FBXW11: variants seen among roughly 807,000 people sequenced by gnomAD.
The protein encoded by FBXW11 is F-box and WD repeat domain containing 11.
A neutral mutation model predicts 77.6 loss-of-function variants in FBXW11; 19 were observed. That is an observed-to-expected ratio of 0.24 (90% CI 0.17 to 0.36). The LOEUF (loss-of-function observed/expected upper bound fraction) is 0.36, where lower values mean the gene tolerates loss of function less well. FBXW11 is among the 10% of genes least tolerant of loss of function. The pLI is 1.00. For missense variants in FBXW11, 334 were observed against 704.2 expected (o/e 0.47, Z 5.95); for synonymous variants, 235 against 249.4 (o/e 0.94, Z 0.54).
At chr5:171,968,456 C>CAAA (rs70982358) in intron 1 of FBXW11, among the ~76,000 whole-genome samples, 10 of 133,712 alleles carry the variant, frequency 7.5e-5, no homozygotes, top group South Asian at 2.4e-4. Flanking sequence ...GACTCTGTCT[C>CAAA]AAAAAAAAAA....
rs571074724 is a variant in FBXW11 at position 171,936,977 on chromosome 5, T to C, written c.147+20620A>G. On this transcript the variant is annotated intron_variant, in intron 2 of 13. Transcript: ENST00000517395. Reference sequence around the variant, plus strand: ...GTTATGGAACAATTTATAGAGCTTCTGGCCCATTTGTTCTTTAAAGGTCTG... The same window carrying C: ...GTTATGGAACAATTTATAGAGCTTCCGGCCCATTTGTTCTTTAAAGGTCTG... Among the ~76,000 whole-genome samples, 15 of 152,358 alleles carry C rather than the reference T, an allele frequency of 9.8e-5. 1 individual carries two copies. The East Asian group carries it at 2.9e-3, about 29-fold the overall frequency.
intron 4 of FBXW11, among the ~76,000 whole-genome samples, chr5:171,905,589 A>AC (rs748894864): frequency 0.015 from 1,699 of 111,154 alleles, 59 homozygotes; most frequent in African/African-American, 0.048. Flanking sequence ...CAAAAAGCTA[A>AC]CCCCCCCCCC....
chr5:171,979,931 C>T (rs879265150), intron 1 of FBXW11, among the ~76,000 whole-genome samples: 13 of 152,098 alleles, frequency 8.5e-5, no homozygotes, highest in Admixed American at 6.6e-4. Flanking sequence ...GTATTTGTCC[C>T]GATTGGCTAG....
chr5:172,003,863 T>C (rs567689734), intron 1 of FBXW11, among the ~76,000 whole-genome samples: 25 of 152,304 alleles, frequency 1.6e-4, no homozygotes, highest in African/African-American at 6.0e-4. Context: ...GAAGTCTGTT[T>C]CCTCTTTTTA....
chr5:171,910,845 CTAAT>C, intron 3 of FBXW11, 48 bp from the exon 4 acceptor site: 1 of 1,271,264 alleles, frequency 7.9e-7, no homozygotes, highest in Non-Finnish European at 1.1e-6. Flanking sequence ...GGAAAGAAAC[CTAAT>C]TAATATTTCA....
chr5:171,990,609 C>T (rs1407521816), intron 1 of FBXW11, among the ~76,000 whole-genome samples: 1 of 152,078 alleles, frequency 6.6e-6, no homozygotes, highest in Non-Finnish European at 1.5e-5. Flanking sequence ...CAAATTATGG[C>T]ATATTTGTAC....
chr5:171,912,519 A>G (rs150065036), intron 3 of FBXW11, among the ~76,000 whole-genome samples: 1 of 152,350 alleles, frequency 6.6e-6, no homozygotes, highest in East Asian at 1.9e-4. Flanking sequence ...AGGAAAAGTT[A>G]GAAATAACTG....
intron 7 of FBXW11, among the ~76,000 whole-genome samples, chr5:171,887,379 T>A (rs1758980836): frequency 6.6e-6 from 1 of 151,480 alleles, no homozygotes. Flanking sequence ...TTTCACTTTT[T>A]AAAAAACAAA....
intron 1 of FBXW11, among the ~76,000 whole-genome samples, chr5:171,997,636 C>A (rs1581097908): frequency 6.6e-6 from 1 of 152,162 alleles, no homozygotes; most frequent in East Asian, 1.9e-4. Context: ...AAAGGCCAGT[C>A]CCGTACAATG....
At chr5:171,888,424 G>C (rs1241803718) in intron 7 of FBXW11, among the ~76,000 whole-genome samples, 1 of 152,182 alleles carries the variant, frequency 6.6e-6, no homozygotes, top group African/African-American at 2.4e-5. Context: ...CCTCTAAGTA[G>C]TGAAAGCCCA....
intron 6 of FBXW11, among the ~76,000 whole-genome samples, chr5:171,892,096 T>C (rs1759387957): frequency 6.6e-6 from 1 of 152,260 alleles, no homozygotes; most frequent in African/African-American, 2.4e-5. Flanking sequence ...CTAATGTTTC[T>C]GTAGAGTAAA....
intron 1 of FBXW11, among the ~76,000 whole-genome samples, chr5:172,005,632 G>A (rs941339201): frequency 1.3e-5 from 2 of 152,008 alleles, no homozygotes; most frequent in Non-Finnish European, 2.9e-5. Flanking sequence ...CGCTTCCCCC[G>A]GGGGCCAAGG....
intron 2 of FBXW11, among the ~76,000 whole-genome samples, chr5:171,922,896 CGTGTGTGTGCGTGTGT>C (rs1032477382): frequency 2.0e-4 from 31 of 151,966 alleles, no homozygotes; most frequent in South Asian, 1.0e-3. Flanking sequence ...CATCACCAAT[CGTGTGTGTGCGTGTGT>C]GTGTGTGTGC....
At chr5:172,002,056 C>T (rs1766440739) in intron 1 of FBXW11, among the ~76,000 whole-genome samples, 1 of 152,176 alleles carries the variant, frequency 6.6e-6, no homozygotes, top group Non-Finnish European at 1.5e-5. Context: ...ACTTAAAATG[C>T]TTTGTTTTCT....
At chr5:171,884,811 T>C (rs567241476) in intron 7 of FBXW11, among the ~76,000 whole-genome samples, 3 of 152,228 alleles carry the variant, frequency 2.0e-5, no homozygotes, top group African/African-American at 7.2e-5. Context: ...ATTAGGTATA[T>C]TCCTAAGTAT....
intron 2 of FBXW11, among the ~76,000 whole-genome samples, chr5:171,952,895 C>T (rs1176371359): frequency 1.3e-5 from 2 of 151,536 alleles, no homozygotes; most frequent in South Asian, 2.1e-4. Context: ...CATCAGCTAT[C>T]GTTAGTGTTA....
chr5:171,885,567 A>C lies in FBXW11; in HGVS notation c.852+5900T>G, dbSNP rs146998593. The stretch of plus-strand genomic sequence containing the variant: ...GAATGGTTGATTTTTCAGTTTGTTC[A>C]GATTTTTACTTGTTGTCAGGACAAG... On this transcript the variant is annotated intron_variant, in intron 7 of 13. Transcript: ENST00000517395. Among the ~76,000 whole-genome samples, 1,467 of 152,318 alleles carry C rather than the reference A, an allele frequency of 9.6e-3. 26 individuals carry two copies. Among genetic ancestry groups the C allele is most frequent in the African/African-American group, 0.033 (1,392 of 41,574 alleles).
intron 10 of FBXW11, among the ~76,000 whole-genome samples, chr5:171,871,552 T>G (rs576985280): frequency 6.6e-5 from 10 of 152,180 alleles, no homozygotes; most frequent in Admixed American, 1.3e-4. Flanking sequence ...TATAAACCCA[T>G]TGACAACACC....
chr5:171,982,892 G>A (rs180977709), intron 1 of FBXW11, among the ~76,000 whole-genome samples: 4 of 152,180 alleles, frequency 2.6e-5, no homozygotes, highest in South Asian at 2.1e-4. Context: ...AAGGCATGCC[G>A]ATGTCATGAA....
Sources: gnomAD v4.1 joint callset for allele counts (sites outside exome capture counted in the v4.1 genomes callset) on GRCh38, gnomAD v4.1.1 for gene constraint, MANE v1.5 for transcripts, NCBI Gene and HGNC (gene_info 2026-07-23, HGNC 2026-07-21) for gene names.